The following FAM83B variants were observed in gnomAD, a reference collection of about 807,000 sequenced individuals.
The protein encoded by FAM83B is protein FAM83B.
In FAM83B, 26 loss-of-function variants were observed where a neutral mutation model predicts 38.8. That is an observed-to-expected ratio of 0.67 (90% confidence interval 0.49 to 0.93). The LOEUF (loss-of-function observed/expected upper bound fraction) is 0.93, where lower values mean the gene tolerates loss of function less well. Ranked by LOEUF, FAM83B falls within the 40% of genes least tolerant of loss-of-function variation. The pLI is 0.00. For missense variants in FAM83B, 1,237 were observed against 1,197.3 expected (o/e 1.03, Z -0.49); for synonymous variants, 419 against 423.1 (o/e 0.99, Z 0.12).
At chr6:54,859,380 T>A (rs543401340) in intron 1 of FAM83B, among the ~76,000 whole-genome samples, 28 of 152,304 alleles carry the variant, frequency 1.8e-4, no homozygotes, top group South Asian at 4.1e-4. Context: ...TGATTTTTTT[T>A]AATTTATTTT....
Position 54,874,765 on chromosome 6 carries a change from T to C in FAM83B, c.444+4075T>C, listed in dbSNP as rs535803628. Among the ~76,000 whole-genome samples, 6 of 152,262 alleles carry C rather than the reference T, an allele frequency of 3.9e-5. No homozygotes were observed. In the East Asian group the frequency reaches 1.2e-3, roughly 29 times the overall value. ...TTTTTGTGAGATGTGAATCTTACTCTTGTGAAATATGGGATCAAGACACAT... is the reference window on the plus strand; with the variant it reads ...TTTTTGTGAGATGTGAATCTTACTCCTGTGAAATATGGGATCAAGACACAT... On this transcript the variant is annotated intron_variant, in intron 2 of 4. Coordinates refer to ENST00000306858, the MANE Select transcript of FAM83B (RefSeq NM_001010872.3).
At chr6:54,875,903 G>C (rs897066164) in intron 2 of FAM83B, among the ~76,000 whole-genome samples, 1 of 152,106 alleles carries the variant, frequency 6.6e-6, no homozygotes, top group Admixed American at 6.5e-5. Flanking sequence ...GCTATACAGA[G>C]AGACAACACA....
intron 2 of FAM83B, among the ~76,000 whole-genome samples, chr6:54,888,089 TTG>T (rs1336876095): frequency 2.6e-5 from 4 of 151,254 alleles, no homozygotes; most frequent in African/African-American, 4.8e-5. Flanking sequence ...AGCTTGTTTG[TTG>T]TGTGTTATTT....
chr6:54,872,080 A>T (rs1771869681), intron 2 of FAM83B, among the ~76,000 whole-genome samples: 1 of 152,054 alleles, frequency 6.6e-6, no homozygotes, highest in Admixed American at 6.6e-5. Flanking sequence ...AAATGAGGTA[A>T]TTTTTTTCCC....
rs1319910315 is a variant in FAM83B at position 54,941,669 on chromosome 6, A to G, written c.2698A>G (p.Arg900Gly). 2.5e-6 allele frequency: 4 copies of G among 1,614,100 alleles called. No homozygotes were observed. Among genetic ancestry groups the G allele is most frequent in the Non-Finnish European group, 3.4e-6 (4 of 1,179,990 alleles). Residue 900 changes from arginine to glycine, a missense_variant, in exon 5 of 5, where the codon AGG (arginine) becomes GGG (glycine). Arg to Gly is a moderately radical substitution (Grantham distance 125, BLOSUM62 -2). Coordinates refer to ENST00000306858, the MANE Select transcript of FAM83B (RefSeq NM_001010872.3). ...TGAACAGATCCAATACCGAGATTCA[A>G]GGGAGATTAATGCAGTTGTTACCCC... ...NTEQIQYRDS[R>G]EINAVVTPER...
At chr6:54,853,984 A>C (rs759454633) in intron 1 of FAM83B, among the ~76,000 whole-genome samples, 21 of 152,140 alleles carry the variant, frequency 1.4e-4, no homozygotes, top group Non-Finnish European at 2.9e-4. Flanking sequence ...GTTGATTCTA[A>C]CTCTTGTAGA....
intron 1 of FAM83B, 77 bp from the exon 2 acceptor site, chr6:54,870,109 TA>T: frequency 1.6e-6 from 1 of 640,056 alleles, no homozygotes; most frequent in Non-Finnish European, 2.7e-6. Flanking sequence ...AATGAAAAAA[TA>T]ATAGTTGATA....
chr6:54,846,643 C>G (rs979497713), upstream of FAM83B: 1 of 152,268 alleles, frequency 6.6e-6, no homozygotes, highest in African/African-American at 2.4e-5. Context: ...CCCCCTCCAG[C>G]GCTGCACCTT....
rs1402997980 is a variant in FAM83B, at chr6:54,865,742, A to T, written c.-60-4445A>T. Among the ~76,000 whole-genome samples, 10 of 152,154 alleles carry T rather than the reference A, an allele frequency of 6.6e-5. 1 individual carries two copies. In the South Asian group the frequency reaches 1.4e-3, roughly 22 times the overall value. ...CTTTGGAACATTTTCCCACTGACCT[A>T]TTACATCAGAAGCCTATTCAATGAA... On this transcript the variant is annotated intron_variant, in intron 1 of 4. Coordinates refer to ENST00000306858, the MANE Select transcript of FAM83B (RefSeq NM_001010872.3).
chr6:54,921,967 C>T lies in FAM83B; in HGVS notation c.445-4404C>T, dbSNP rs527659614. Among the ~76,000 whole-genome samples, 99 of 152,154 alleles carry T rather than the reference C, an allele frequency of 6.5e-4. 2 individuals carry two copies. In the South Asian group the frequency reaches 0.019, roughly 29 times the overall value. Reference sequence around the variant, plus strand: ...CTGTAGATTTCATGTAATTTTTCCACACATCAAGTGAGAGTACAAAGAAAC... The same window carrying T: ...CTGTAGATTTCATGTAATTTTTCCATACATCAAGTGAGAGTACAAAGAAAC... On this transcript the variant is annotated intron_variant, in intron 2 of 4. Coordinates refer to ENST00000306858, the MANE Select transcript of FAM83B (RefSeq NM_001010872.3).
Position 54,940,461 on chromosome 6 carries a change from T to G in FAM83B, c.1490T>G (p.Ile497Ser), listed in dbSNP as rs1304055895. ...AAGTCATTCCTACGTAACTGGAGAA[T>G]TGAATCCTACTTAAATGATCATTCA... ...TTKSFLRNWR[I>S]ESYLNDHSEA... Residue 497 changes from isoleucine (I) to serine (S), a missense_variant, in exon 5 of 5, where the codon ATT becomes AGT. By Grantham distance (142) the Ile-to-Ser change is moderately radical. Transcript: ENST00000306858. 6.2e-7 allele frequency: 1 copy of G among 1,614,074 alleles called. No individual in the cohort carries two copies. Among genetic ancestry groups the G allele is most frequent in the East Asian group, 2.2e-5 (1 of 44,862 alleles).
chr6:54,896,071 T>C (rs1227337503), intron 2 of FAM83B, among the ~76,000 whole-genome samples: 1 of 152,120 alleles, frequency 6.6e-6, no homozygotes, highest in East Asian at 1.9e-4. Flanking sequence ...TTTGTATTTT[T>C]AGTAGAGACA....
chr6:54,882,926 G>A (rs201828312), intron 2 of FAM83B, among the ~76,000 whole-genome samples: 2 of 151,922 alleles, frequency 1.3e-5, no homozygotes, highest in East Asian at 3.9e-4. Flanking sequence ...CTATATTATT[G>A]TCACTTTATT....
rs1773691068 is a variant in FAM83B, at chr6:54,941,453, C to T, written c.2482C>T (p.Pro828Ser). 6.2e-7 allele frequency: 1 copy of T among 1,613,258 alleles called. No homozygotes were observed. The highest frequency in any genetic ancestry group is 8.5e-7 in the Non-Finnish European group (1 of 1,179,892). Residue 828 changes from proline (P) to serine (S), a missense_variant, in exon 5 of 5, where the codon CCT (proline) becomes TCT (serine). Transcript: ENST00000306858. The stretch of plus-strand genomic sequence containing the variant: ...ATCAGACACAAAAGTTGATTCATCT[C>T]CTAGAAGAAAGCATTCTTCCTCATC... ...KKSDTKVDSS[P>S]RRKHSSSSNS...
intron 2 of FAM83B, among the ~76,000 whole-genome samples, chr6:54,910,517 G>A (rs1327317866): frequency 1.3e-5 from 2 of 152,138 alleles, no homozygotes; most frequent in Non-Finnish European, 2.9e-5. Flanking sequence ...GTGGTCACCA[G>A]GTTGCCTAGT....
rs112598852 is a variant in FAM83B at position 54,869,987 on chromosome 6, A to G, written c.-60-200A>G. ...AAAGGAAAATCCAACAGCAATCTGT[A>G]AGGGAAATCTGTGTAGCTTATTTGT... On this transcript the variant is annotated intron_variant, in intron 1 of 4. Coordinates refer to ENST00000306858, the MANE Select transcript of FAM83B (RefSeq NM_001010872.3). Among the ~76,000 whole-genome samples, 579 of 152,294 alleles carry G rather than the reference A, an allele frequency of 3.8e-3. 4 individuals are homozygous for G. Among genetic ancestry groups the G allele is most frequent in the African/African-American group, 0.012 (517 of 41,570 alleles).
intron 1 of FAM83B, among the ~76,000 whole-genome samples, chr6:54,849,530 G>T (rs993049105): frequency 1.3e-5 from 2 of 151,818 alleles, no homozygotes; most frequent in Non-Finnish European, 2.9e-5. Context: ...GGGTGATGGA[G>T]GGGGCAAAGG....
chr6:54,911,343 T>C (rs1772905939), intron 2 of FAM83B, among the ~76,000 whole-genome samples: 1 of 151,802 alleles, frequency 6.6e-6, no homozygotes, highest in South Asian at 2.1e-4. Flanking sequence ...ACATTAAGTC[T>C]AAAAAAATAG....
At chr6:54,872,069 AAAATGAGGT>A (rs1474071220) in intron 2 of FAM83B, among the ~76,000 whole-genome samples, 2 of 152,180 alleles carry the variant, frequency 1.3e-5, no homozygotes, top group African/African-American at 4.8e-5. Flanking sequence ...AAGCTTTGTA[AAAATGAGGT>A]AATTTTTTTC....
Sources: allele counts gnomAD v4.1 joint callset (sites outside exome capture counted in the v4.1 genomes callset), GRCh38; gene constraint gnomAD v4.1.1; transcripts MANE v1.5; gene names NCBI Gene and HGNC (gene_info 2026-07-23, HGNC 2026-07-21).